APBA1: variants seen among roughly 807,000 people sequenced by gnomAD.
APBA1 encodes the protein amyloid beta precursor protein binding family A member 1.
APBA1 carries 55 observed loss-of-function variants against 86.6 expected under a neutral mutation model. The observed-to-expected ratio is 0.64, with a 90% CI of 0.51 to 0.80. The LOEUF is 0.80. Among genes scored for constraint, APBA1 ranks in the 30% least tolerant of loss-of-function variants. The pLI, the probability that APBA1 is intolerant of heterozygous loss-of-function variation, is 0.00. For missense variants in APBA1, 1,090 were observed against 1,183.0 expected (o/e 0.92, Z 1.15); for synonymous variants, 511 against 493.9 (o/e 1.03, Z -0.46).
At chr9:69,565,561 TCTA>T (rs1837012524) in intron 1 of APBA1, among the ~76,000 whole-genome samples, 1 of 152,160 alleles carries the variant, frequency 6.6e-6, no homozygotes. Context: ...TTCATAATCT[TCTA>T]CTCCCATCGC....
intron 2 of APBA1, among the ~76,000 whole-genome samples, chr9:69,515,622 C>T (rs757799901): frequency 1.1e-4 from 16 of 141,134 alleles, no homozygotes; most frequent in Admixed American, 9.2e-4. Flanking sequence ...TCAAGCATGG[C>T]TTGTTTTTTA....
intron 1 of APBA1, 23 bp from the exon 2 acceptor site, chr9:69,517,302 G>A (rs1288933594): frequency 1.4e-5 from 20 of 1,399,828 alleles, no homozygotes; most frequent in Admixed American, 3.3e-5. Flanking sequence ...GAAGGGGAGA[G>A]GCTGTCACGT....
chr9:69,505,616 C>T (rs1223748140), intron 2 of APBA1, among the ~76,000 whole-genome samples: 2 of 152,146 alleles, frequency 1.3e-5, no homozygotes, highest in Non-Finnish European at 2.9e-5. Context: ...CAAAACCCTC[C>T]AACTTACACT....
At chr9:69,501,807 C>T (rs1188470433) in intron 2 of APBA1, among the ~76,000 whole-genome samples, 1 of 152,044 alleles carries the variant, frequency 6.6e-6, no homozygotes, top group African/African-American at 2.4e-5. Flanking sequence ...TAGCCTCGGT[C>T]ACAGAGTGAG....
chr9:69,558,324 T>C (rs1836893641), intron 1 of APBA1, among the ~76,000 whole-genome samples: 1 of 152,124 alleles, frequency 6.6e-6, no homozygotes, highest in Admixed American at 6.5e-5. Flanking sequence ...TAATAAATTA[T>C]ACTTATATTG....
intron 1 of APBA1, among the ~76,000 whole-genome samples, chr9:69,625,477 G>A (rs1439257188): frequency 6.6e-6 from 1 of 152,096 alleles, no homozygotes; most frequent in Non-Finnish European, 1.5e-5. Flanking sequence ...AGCATCCCTT[G>A]TCCCTAGAAC....
chr9:69,517,007 TTCC>T lies in APBA1; in HGVS notation c.201_203del (p.Glu70del). 6.3e-7 allele frequency: 1 copy of T among 1,579,428 alleles called. No individual in the cohort carries two copies. ...GCGCCAGGCATTCCCCGCGCTCCTC[TTCC>T]TCCTGGCCGAGCTGGGCGCGGAGGT... On this transcript the variant is annotated inframe_deletion, in exon 2 of 13. Transcript: ENST00000265381.
At chr9:69,619,036 T>C (rs1822763017) in intron 1 of APBA1, among the ~76,000 whole-genome samples, 2 of 152,188 alleles carry the variant, frequency 1.3e-5, no homozygotes, top group Admixed American at 6.5e-5. Context: ...GTACCTAACA[T>C]ATTTTGGTTC....
Position 69,516,986 on chromosome 9 carries a change from C to T in APBA1, c.225G>A (p.Leu75=). 6.3e-7 allele frequency: 1 copy of T among 1,585,110 alleles called. No individual in the cohort carries two copies. The highest frequency in any genetic ancestry group is 8.5e-7 in the Non-Finnish European group (1 of 1,172,582). The part of the protein sequence containing the change: ...GQEEEERGEC[L]ARSASTESGF... ...CGCTCTCCGTGCTGGCTGAGCGCGC[C>T]AGGCATTCCCCGCGCTCCTCTTCCT... The change falls in exon 2 of 13, where the codon CTG becomes CTA. Residue 75 remains leucine, a synonymous_variant. Coordinates refer to ENST00000265381, the MANE Select transcript of APBA1 (RefSeq NM_001163.4). The surrounding 1 kb of genome is among the most constrained non-coding windows in gnomAD (Gnocchi z 7.3).
chr9:69,544,105 T>C (rs1836660065), intron 1 of APBA1, among the ~76,000 whole-genome samples: 1 of 152,196 alleles, frequency 6.6e-6, no homozygotes, highest in African/African-American at 2.4e-5. Context: ...TACTCTTTTT[T>C]GTTATTATTA....
intron 1 of APBA1, among the ~76,000 whole-genome samples, chr9:69,557,579 T>C (rs954617402): frequency 2.6e-5 from 4 of 152,192 alleles, no homozygotes; most frequent in African/African-American, 9.6e-5. Flanking sequence ...TTCCCTTCTT[T>C]GAACACAGAT....
intron 2 of APBA1, among the ~76,000 whole-genome samples, chr9:69,485,598 G>C (rs1835596029): frequency 6.6e-6 from 1 of 152,106 alleles, no homozygotes. Context: ...GTGCTTGTGA[G>C]GGTAGGATGC....
At chr9:69,447,016 A>T (rs3793608) in intron 10 of APBA1, among the ~76,000 whole-genome samples, 2 of 151,974 alleles carry the variant, frequency 1.3e-5, no homozygotes, top group Non-Finnish European at 2.9e-5. Context: ...TGGAAGTCTG[A>T]GCTCAGCGTA....
intron 1 of APBA1, among the ~76,000 whole-genome samples, chr9:69,627,447 G>C (rs1473023635): frequency 6.6e-6 from 1 of 152,096 alleles, no homozygotes; most frequent in Non-Finnish European, 1.5e-5. Flanking sequence ...AGCAAAAAAG[G>C]ATAATTTGTG....
intron 1 of APBA1, among the ~76,000 whole-genome samples, chr9:69,593,416 C>T (rs1331421434): frequency 6.6e-6 from 1 of 152,140 alleles, no homozygotes. Context: ...CTTGCTTAGA[C>T]CTCCTCCAAT....
intron 6 of APBA1, 22 bp from the exon 7 acceptor site, chr9:69,457,161 A>T: frequency 1.9e-6 from 3 of 1,606,202 alleles, no homozygotes; most frequent in South Asian, 1.1e-5. Flanking sequence ...AAATGCACCA[A>T]GAGAAAGTTT....
At chr9:69,539,051 C>A (rs1316652682) in intron 1 of APBA1, among the ~76,000 whole-genome samples, 2 of 152,200 alleles carry the variant, frequency 1.3e-5, no homozygotes, top group African/African-American at 2.4e-5. Context: ...CTGTTGCTTC[C>A]CCATCTCATT....
intron 4 of APBA1, among the ~76,000 whole-genome samples, chr9:69,469,771 T>C (rs903688866): frequency 6.6e-6 from 1 of 152,348 alleles, no homozygotes; most frequent in African/African-American, 2.4e-5. Flanking sequence ...TAAAAGATTG[T>C]CAGTTCTTCT....
chr9:69,596,561 G>A (rs1002710071), intron 1 of APBA1, among the ~76,000 whole-genome samples: 3 of 152,176 alleles, frequency 2.0e-5, no homozygotes, highest in Non-Finnish European at 4.4e-5. Context: ...CCAAGCTGGA[G>A]CTGCAGCCAT....
Sources: allele counts gnomAD v4.1 joint callset (sites outside exome capture counted in the v4.1 genomes callset), GRCh38; gene constraint gnomAD v4.1.1; non-coding constraint Gnocchi (gnomAD v3.1); transcripts MANE v1.5; gene names NCBI Gene and HGNC (gene_info 2026-07-23, HGNC 2026-07-21).